Variants in JAM2 observed in about 807,000 individuals in gnomAD.
JAM2 encodes the protein junctional adhesion molecule 2.
In JAM2, 17 loss-of-function variants were observed where a neutral mutation model predicts 42.0. That is an observed-to-expected ratio of 0.40 (90% CI 0.28 to 0.61). JAM2 has a LOEUF of 0.61. Ranked by LOEUF, JAM2 falls within the 20% of genes least tolerant of loss-of-function variation. The pLI, the probability that JAM2 is intolerant of heterozygous loss-of-function variation, is 0.37. For synonymous variants in JAM2, 118 were observed against 128.6 expected (o/e 0.92, Z 0.56); for missense variants, 319 against 358.3 (o/e 0.89, Z 0.89).
intron 8 of JAM2, chr21:25,712,012 A>G (rs2034393169): frequency 8.5e-6 from 2 of 235,012 alleles, no homozygotes; most frequent in South Asian, 5.8e-5. Context: ...ATAATAGTCA[A>G]GCTTTCAAAA....
intron 1 of JAM2, among the ~76,000 whole-genome samples, chr21:25,651,258 T>G (rs907905984): frequency 3.9e-5 from 6 of 152,074 alleles, no homozygotes; most frequent in African/African-American, 1.2e-4. Flanking sequence ...CCCTAAAAAT[T>G]AAAATACAAA....
chr21:25,702,350 A>G (rs1362256022), intron 6 of JAM2, 81 bp downstream of exon 6: 2 of 751,484 alleles, frequency 2.7e-6, no homozygotes, highest in Non-Finnish European at 4.4e-6. Context: ...AGGAGCAAGG[A>G]GCAGGAAATG....
chr21:25,640,458 G>A (rs911459226), intron 1 of JAM2, among the ~76,000 whole-genome samples: 1 of 152,194 alleles, frequency 6.6e-6, no homozygotes, highest in Admixed American at 6.5e-5. Context: ...CATTCACTTA[G>A]AGAAGTCTGG....
chr21:25,679,323 T>C (rs1471556199), intron 1 of JAM2, among the ~76,000 whole-genome samples: 1 of 152,232 alleles, frequency 6.6e-6, no homozygotes, highest in African/African-American at 2.4e-5. Context: ...ATACAAACTT[T>C]TCAAAATCCT....
intron 5 of JAM2, 74 bp from the exon 6 acceptor site, chr21:25,702,096 A>G: frequency 2.9e-6 from 2 of 689,820 alleles, no homozygotes; most frequent in Non-Finnish European, 4.6e-6. Flanking sequence ...CTAAAATTTG[A>G]GGGACAGGGT....
intron 2 of JAM2, among the ~76,000 whole-genome samples, chr21:25,687,710 T>TA (rs2033780871): frequency 6.6e-6 from 1 of 152,228 alleles, no homozygotes; most frequent in African/African-American, 2.4e-5. Context: ...CCCAAGGGCC[T>TA]AGGCACTGGC....
intron 1 of JAM2, among the ~76,000 whole-genome samples, chr21:25,642,803 G>T (rs75087960): frequency 0.021 from 3,176 of 152,288 alleles, 125 homozygotes; most frequent in African/African-American, 0.073. Context: ...ATTCTATGGT[G>T]CCTTAGTCCA....
chr21:25,694,003 A>G, intron 4 of JAM2, 95 bp downstream of exon 4: 3 of 1,192,178 alleles, frequency 2.5e-6, no homozygotes, highest in Non-Finnish European at 3.6e-6. Flanking sequence ...ACATGCCAGC[A>G]TCAACTGGGA....
At chr21:25,650,783 G>A (rs572433092) in intron 1 of JAM2, among the ~76,000 whole-genome samples, 10 of 152,034 alleles carry the variant, frequency 6.6e-5, no homozygotes, top group Non-Finnish European at 2.9e-5. Context: ...AATAATGTGA[G>A]ATTGGTACAT....
At chr21:25,684,979 A>G (rs2033717588) in intron 2 of JAM2, among the ~76,000 whole-genome samples, 1 of 152,204 alleles carries the variant, frequency 6.6e-6, no homozygotes, top group African/African-American at 2.4e-5. Context: ...ATATTGGGCA[A>G]TCAGAAGAAT....
chr21:25,642,047 C>T (rs1156825522), intron 1 of JAM2, among the ~76,000 whole-genome samples: 1 of 152,158 alleles, frequency 6.6e-6, no homozygotes, highest in African/African-American at 2.4e-5. Flanking sequence ...CTCCAGGGAA[C>T]ATACCGTACA....
At chr21:25,659,188 C>T (rs1462110032) in intron 1 of JAM2, among the ~76,000 whole-genome samples, 1 of 151,364 alleles carries the variant, frequency 6.6e-6, no homozygotes, top group Non-Finnish European at 1.5e-5. Context: ...CCAATTTAGT[C>T]ATCCTAACAA....
chr21:25,649,299 G>A (rs536059657), intron 1 of JAM2, among the ~76,000 whole-genome samples: 1 of 152,278 alleles, frequency 6.6e-6, no homozygotes, highest in East Asian at 1.9e-4. Context: ...TCTCAGTTTC[G>A]CATGGCTGGG....
chr21:25,643,688 G>A (rs1028241651), intron 1 of JAM2: 4 of 152,186 alleles, frequency 2.6e-5, no homozygotes, highest in African/African-American at 7.2e-5. Context: ...GGGCTTGTAG[G>A]TGGATTTAAC....
chr21:25,705,921 G>T (rs531948244), intron 6 of JAM2, 58 bp from the exon 7 acceptor site: 34 of 1,143,366 alleles, frequency 3.0e-5, no homozygotes, highest in Non-Finnish European at 4.1e-5. Context: ...TCAATTTAAT[G>T]ACTGCATCTG....
intron 3 of JAM2, among the ~76,000 whole-genome samples, chr21:25,692,759 T>C (rs1402758047): frequency 1.3e-5 from 2 of 152,226 alleles, no homozygotes; most frequent in Admixed American, 1.3e-4. Context: ...AGTTAAATAT[T>C]AGAAAATAAT....
rs544405587 is a variant in JAM2, at chr21:25,660,482, A to G, written c.67+20594A>G. On this transcript the variant is annotated intron_variant, in intron 1 of 9. Coordinates refer to ENST00000480456, the MANE Select transcript of JAM2 (RefSeq NM_021219.4). ...TTATGGGACCTATTCCATTGTCACAATGATGAGTGGTTGCTATATATTTGC... is the reference window on the plus strand; with the variant it reads ...TTATGGGACCTATTCCATTGTCACAGTGATGAGTGGTTGCTATATATTTGC... 3.9e-5 allele frequency among the ~76,000 whole-genome samples: 6 copies of G among 152,132 alleles called. No individual in the cohort carries two copies. In the East Asian group the frequency reaches 7.7e-4, roughly 20 times the overall value.
At chr21:25,650,643 A>C (rs1280150994) in intron 1 of JAM2, among the ~76,000 whole-genome samples, 1 of 152,246 alleles carries the variant, frequency 6.6e-6, no homozygotes, top group East Asian at 1.9e-4. Context: ...CATATTAATC[A>C]TAAAACATAT....
At chr21:25,658,161 G>A (rs1000048472) in intron 1 of JAM2, among the ~76,000 whole-genome samples, 15 of 152,218 alleles carry the variant, frequency 9.9e-5, no homozygotes, top group African/African-American at 3.4e-4. Context: ...TGTCAAAATC[G>A]TTTAGGAAAA....
Sources: gnomAD v4.1 joint callset for allele counts (sites outside exome capture counted in the v4.1 genomes callset) on GRCh38, gnomAD v4.1.1 for gene constraint, MANE v1.5 for transcripts, NCBI Gene and HGNC (gene_info 2026-07-23, HGNC 2026-07-21) for gene names.